C8orf34: variants seen among roughly 807,000 people sequenced by gnomAD.
C8orf34 encodes chromosome 8 open reading frame 34.
Under a neutral mutation model 68.3 loss-of-function variants are expected in C8orf34, and 65 were observed. The ratio of observed to expected loss-of-function variants is 0.95; its 90% confidence interval spans 0.78 to 1.17. The LOEUF (loss-of-function observed/expected upper bound fraction) is 1.17. C8orf34 is among the 50% of genes most tolerant of loss of function. The pLI is 0.00. For missense variants in C8orf34, 664 were observed against 655.4 expected (o/e 1.01, Z -0.14); for synonymous variants, 244 against 241.2 (o/e 1.01, Z -0.11).
intron 1 of C8orf34, among the ~76,000 whole-genome samples, chr8:68,352,384 C>G (rs1187513900): frequency 6.7e-6 from 1 of 149,076 alleles, no homozygotes; most frequent in African/African-American, 2.5e-5. Context: ...GAAACATGTG[C>G]TCTTGCTAAG....
intron 4 of C8orf34, among the ~76,000 whole-genome samples, chr8:68,477,008 G>A (rs1473442575): frequency 6.6e-6 from 1 of 152,122 alleles, no homozygotes. Flanking sequence ...TTTAGCAAGT[G>A]TATGGATTTT....
chr8:68,671,649 G>A (rs1473873880), intron 8 of C8orf34, among the ~76,000 whole-genome samples: 3 of 152,042 alleles, frequency 2.0e-5, no homozygotes, highest in Non-Finnish European at 2.9e-5. Flanking sequence ...GTGTTAAATT[G>A]TTGCTAAAAA....
Position 68,537,816 on chromosome 8 carries a change from A to G in C8orf34, c.1105+4667A>G, listed in dbSNP as rs573254899. Among the ~76,000 whole-genome samples, 52 of 152,182 alleles carry G rather than the reference A, an allele frequency of 3.4e-4. No homozygotes were observed. The South Asian group carries it at 3.7e-3, about 11-fold the overall frequency. ...TCACTTTTGTTTTTTTCAGCAAAAT[A>G]TCAAAACATTTGCAAATCGTAGAGA... is the stretch of plus-strand genomic sequence containing the variant. On this transcript the variant is annotated intron_variant, in intron 7 of 13. Transcript: ENST00000518698.
chr8:68,531,284 C>T (rs1294889613), intron 6 of C8orf34, among the ~76,000 whole-genome samples: 1 of 151,888 alleles, frequency 6.6e-6, no homozygotes, highest in African/African-American at 2.4e-5. Flanking sequence ...TTTTTGTATA[C>T]TTGTTTATTT....
rs908760617 is a variant in C8orf34 at position 68,652,027 on chromosome 8, CAG to C, written c.1241+11519_1241+11520del. 2.1e-4 allele frequency among the ~76,000 whole-genome samples: 32 copies of C among 152,266 alleles called. 1 individual carries two copies. The Middle Eastern group carries it at 0.01, about 49-fold the overall frequency. ...ACTGAGTTCCGTGCATTATAATAGA[CAG>C]AGTCACACACAAAATGAGAAATAAC... On this transcript the variant is annotated intron_variant, in intron 8 of 13. Transcript: ENST00000518698.
At chr8:68,694,445 A>G (rs748002517) in intron 8 of C8orf34, among the ~76,000 whole-genome samples, 3 of 152,132 alleles carry the variant, frequency 2.0e-5, no homozygotes, top group Non-Finnish European at 2.9e-5. Context: ...GTGTTTTTCT[A>G]TAAATATCCA....
intron 7 of C8orf34, among the ~76,000 whole-genome samples, chr8:68,600,521 C>A (rs576895235): frequency 3.3e-5 from 5 of 152,194 alleles, no homozygotes; most frequent in African/African-American, 1.2e-4. Context: ...TTGTTAGCAA[C>A]AAACTCTCTT....
chr8:68,783,257 C>T (rs368442069), intron 11 of C8orf34, among the ~76,000 whole-genome samples: 5 of 152,206 alleles, frequency 3.3e-5, no homozygotes, highest in South Asian at 4.1e-4. Flanking sequence ...TAGAGGCGCA[C>T]GCCTGTAATC....
At chr8:68,812,761 T>C (rs916499609) in intron 12 of C8orf34, among the ~76,000 whole-genome samples, 1 of 152,156 alleles carries the variant, frequency 6.6e-6, no homozygotes, top group Non-Finnish European at 1.5e-5. Flanking sequence ...TAAATTTAGT[T>C]CAAATTGGTT....
intron 9 of C8orf34, among the ~76,000 whole-genome samples, chr8:68,719,312 C>A (rs1220206391): frequency 6.6e-6 from 1 of 151,950 alleles, no homozygotes; most frequent in African/African-American, 2.4e-5. Context: ...GTCCCTTCAT[C>A]CTAAGCTCAA....
At chr8:68,605,488 T>C (rs1249918468) in intron 7 of C8orf34, among the ~76,000 whole-genome samples, 1 of 149,816 alleles carries the variant, frequency 6.7e-6, no homozygotes, top group African/African-American at 2.5e-5. Flanking sequence ...AATGGATAAA[T>C]AAATTATGGT....
At chr8:68,533,200 A>C in intron 7 of C8orf34, 51 bp downstream of exon 7, 2 of 1,539,640 alleles carry the variant, frequency 1.3e-6, no homozygotes, top group African/African-American at 2.8e-5. Flanking sequence ...CATTGTAAAA[A>C]AAACGTGTGG....
At position 68,625,341 on chromosome 8, in the gene C8orf34, A is replaced by C. The variant is rs1818507812; in HGVS notation, c.1106-15035A>C. On this transcript the variant is annotated intron_variant, in intron 7 of 13. Transcript: ENST00000518698. ...TTTTTAAGTTTTCTCTTATCACCAA[A>C]TACTCACTTTTAGGAAATTCAAAAT... is the stretch of plus-strand genomic sequence containing the variant. 1.2e-5 allele frequency: 5 copies of C among 423,634 alleles called. 1 individual carries two copies. The South Asian group carries it at 2.8e-4, about 24-fold the overall frequency. 26.2% of individuals were successfully genotyped at this position (423,634 alleles called of 1,614,324 possible). A position where few individuals can be genotyped will look rare whatever the true frequency, so the allele number is the denominator to read the frequency against.
intron 6 of C8orf34, among the ~76,000 whole-genome samples, chr8:68,524,642 C>T (rs768219108): frequency 1.3e-5 from 2 of 152,124 alleles, no homozygotes; most frequent in Non-Finnish European, 2.9e-5. Flanking sequence ...CAGATCCTAC[C>T]AATTGGTATC....
intron 7 of C8orf34, among the ~76,000 whole-genome samples, chr8:68,581,385 G>C (rs1817059352): frequency 6.6e-6 from 1 of 152,040 alleles, no homozygotes; most frequent in Non-Finnish European, 1.5e-5. Context: ...CTTATGACCT[G>C]CTTCAGGGGA....
At chr8:68,716,241 A>G (rs1821468694) in intron 9 of C8orf34, among the ~76,000 whole-genome samples, 2 of 152,192 alleles carry the variant, frequency 1.3e-5, no homozygotes, top group Non-Finnish European at 2.9e-5. Context: ...GGGTGCACCA[A>G]AATCTCAGAA....
chr8:68,518,868 T>TG (rs1814627515), intron 5 of C8orf34, among the ~76,000 whole-genome samples: 1 of 124,314 alleles, frequency 8.0e-6, no homozygotes, highest in Non-Finnish European at 1.6e-5. Context: ...CACTCCAGCC[T>TG]GGCGACAGAG....
intron 8 of C8orf34, among the ~76,000 whole-genome samples, chr8:68,698,060 T>G (rs13254893): frequency 0.3 from 45,539 of 151,826 alleles, 7,859 homozygotes; most frequent in East Asian, 0.54. Flanking sequence ...TCAAAACAAT[T>G]TACAACTTTC....
At chr8:68,353,276 C>G (rs1027836650) in intron 1 of C8orf34, among the ~76,000 whole-genome samples, 3 of 151,974 alleles carry the variant, frequency 2.0e-5, no homozygotes, top group Admixed American at 2.0e-4. Flanking sequence ...ACTGCACTCC[C>G]CCACAAGGGA....
Sources: allele counts gnomAD v4.1 joint callset (sites outside exome capture counted in the v4.1 genomes callset), GRCh38; gene constraint gnomAD v4.1.1; transcripts MANE v1.5; gene names NCBI Gene and HGNC (gene_info 2026-07-23, HGNC 2026-07-21).